Variants in STPG1 observed in about 807,000 individuals in gnomAD.
STPG1 encodes the protein sperm tail PG-rich repeat containing 1, also known as O(6)-methylguanine-induced apoptosis 2.
In STPG1, 33 loss-of-function variants were observed where a neutral mutation model predicts 40.1. The observed-to-expected ratio is 0.82, with a 90% CI of 0.62 to 1.10. The LOEUF (loss-of-function observed/expected upper bound fraction) is 1.10, where lower values mean the gene tolerates loss of function less well. Ranked by LOEUF, STPG1 falls within the 50% of genes least tolerant of loss-of-function variation. STPG1 has a pLI of 0.00. For missense variants in STPG1, 396 were observed against 415.1 expected (o/e 0.95, Z 0.40); for synonymous variants, 150 against 155.0 (o/e 0.97, Z 0.24).
At chr1:24,364,240 G>GA in intron 7 of STPG1, 1 of 1,547,766 alleles carries the variant, frequency 6.5e-7, no homozygotes, top group South Asian at 1.2e-5. Context: ...TGACTGTCTT[G>GA]AATGTTCCCA....
intron 1 of STPG1, chr1:24,410,917 C>T (rs1643595258): frequency 6.6e-6 from 1 of 152,172 alleles, no homozygotes; most frequent in Non-Finnish European, 1.5e-5. Context: ...AGTATCCAGT[C>T]CTGGGTTCAA....
At chr1:24,360,226 G>A (rs1201090680) in intron 8 of STPG1, among the ~76,000 whole-genome samples, 5 of 152,186 alleles carry the variant, frequency 3.3e-5, no homozygotes, top group Non-Finnish European at 7.3e-5. Context: ...GGGCAGACCA[G>A]TTGAGGTCAG....
intron 7 of STPG1, among the ~76,000 whole-genome samples, chr1:24,364,684 G>T (rs1236153539): frequency 1.3e-5 from 2 of 152,174 alleles, no homozygotes; most frequent in African/African-American, 4.8e-5. Context: ...GTCCCTCCAT[G>T]TCGAGGTGGG....
chr1:24,369,551 C>A, intron 7 of STPG1, 123 bp downstream of exon 7: 1 of 1,006,166 alleles, frequency 9.9e-7, no homozygotes. Context: ...TGACTAAGGG[C>A]CCCTGAAGAG....
At position 24,357,015 on chromosome 1, in the gene STPG1, A is replaced by G. The variant is rs946314800; in HGVS notation, c.*1528T>C. On this transcript the variant is annotated 3_prime_UTR_variant, in exon 9 of 9. Coordinates refer to ENST00000337248, the MANE Select transcript of STPG1 (RefSeq NM_001199013.2). ...CCCAAAAGCTCAATAAGCAAGATAA[A>G]TAAGTTTAATGCAATATTTTTAAAA... is the stretch of plus-strand genomic sequence containing the variant. 1 of 151,544 alleles carries G rather than the reference A, an allele frequency of 6.6e-6. No homozygotes were observed. The highest frequency in any genetic ancestry group is 1.5e-5 in the Non-Finnish European group (1 of 67,934). The allele number at this position is 151,544 out of a possible 1,614,324, so 9.4% of individuals were successfully genotyped here.
At chr1:24,386,671 C>T (rs1344249908) in intron 3 of STPG1, among the ~76,000 whole-genome samples, 2 of 152,182 alleles carry the variant, frequency 1.3e-5, no homozygotes, top group African/African-American at 4.8e-5. Flanking sequence ...GCGGATGCCA[C>T]CCTCAGAGAG....
At chr1:24,389,522 A>G (rs1642668683) in intron 3 of STPG1, among the ~76,000 whole-genome samples, 1 of 152,144 alleles carries the variant, frequency 6.6e-6, no homozygotes, top group Non-Finnish European at 1.5e-5. Flanking sequence ...CAAACCCTGC[A>G]TTGTGTGACC....
chr1:24,369,077 T>C (rs959730507), intron 7 of STPG1: 1 of 254,198 alleles, frequency 3.9e-6, no homozygotes, highest in Non-Finnish European at 7.8e-6. Flanking sequence ...GATGAGGGCA[T>C]GGAGGCTCAG....
intron 7 of STPG1, among the ~76,000 whole-genome samples, chr1:24,366,524 A>G (rs1641477886): frequency 6.6e-6 from 1 of 152,134 alleles, no homozygotes; most frequent in African/African-American, 2.4e-5. Context: ...TTTTTTTAGA[A>G]TAGTCCAAAG....
chr1:24,378,261 T>C (rs1448402590), intron 5 of STPG1, among the ~76,000 whole-genome samples: 2 of 152,210 alleles, frequency 1.3e-5, no homozygotes, highest in Non-Finnish European at 2.9e-5. Flanking sequence ...GAAATGATAA[T>C]ATTTTGGATC....
At chr1:24,364,609 G>A (rs985891394) in intron 7 of STPG1, 1 of 588,176 alleles carries the variant, frequency 1.7e-6, no homozygotes, top group Non-Finnish European at 2.5e-6. Context: ...GCAGAGGGCT[G>A]GCAGCATGTA....
rs1557440511 is a variant in STPG1, at chr1:24,374,252, TTTTTG to T, written c.463-447_463-443del. Among the ~76,000 whole-genome samples, 29 of 92,484 alleles carry T rather than the reference TTTTTG, an allele frequency of 3.1e-4. 1 individual carries two copies. Among genetic ancestry groups the T allele is most frequent in the South Asian group, 6.7e-4 (2 of 2,964 alleles). The allele number at this position is 92,484 out of a possible 152,430, so 60.7% of individuals were successfully genotyped here. On this transcript the variant is annotated intron_variant, in intron 5 of 8. Coordinates refer to ENST00000337248, the MANE Select transcript of STPG1 (RefSeq NM_001199013.2). ...ATCACCGCTAGGAAAGTGTTTTTTT[TTTTTG>T]TTTTTTTTTTTTTTTTTCTGAGACA...
chr1:24,402,812 T>C (rs1442319007), intron 1 of STPG1, among the ~76,000 whole-genome samples: 6 of 151,462 alleles, frequency 4.0e-5, no homozygotes, highest in Non-Finnish European at 7.4e-5. Flanking sequence ...TTGGATTTAA[T>C]TGGGTTATTT....
intron 5 of STPG1, among the ~76,000 whole-genome samples, chr1:24,374,467 A>G (rs1641924999): frequency 1.3e-5 from 2 of 151,650 alleles, no homozygotes; most frequent in South Asian, 4.2e-4. Flanking sequence ...CACCATGTTA[A>G]CCAGGATGGC....
intron 3 of STPG1, 138 bp downstream of exon 3, chr1:24,391,423 G>A: frequency 1.8e-6 from 1 of 552,642 alleles, no homozygotes; most frequent in South Asian, 2.6e-5. Context: ...GCCCCTCAGT[G>A]GAGCTGGTGC....
chr1:24,357,884 C>T lies in STPG1; in HGVS notation c.*659G>A, dbSNP rs1363492944. 2.5e-5 allele frequency: 8 copies of T among 317,380 alleles called. No individual in the cohort carries two copies. Among genetic ancestry groups the T allele is most frequent in the South Asian group, 1.7e-4 (6 of 35,418 alleles). The allele number at this position is 317,380 out of a possible 1,614,324, so 19.7% of individuals were successfully genotyped here. A position where few individuals can be genotyped will look rare whatever the true frequency, so the allele number is the denominator to read the frequency against. On this transcript the variant is annotated 3_prime_UTR_variant, in exon 9 of 9. Transcript: ENST00000337248. Reference sequence around the variant, plus strand: ...GAAAGTCAGGGAAAAGCGCAGCCCCCGGGCCCGGCCACTGCCATTCCAAGA... The same window carrying T: ...GAAAGTCAGGGAAAAGCGCAGCCCCTGGGCCCGGCCACTGCCATTCCAAGA...
intron 7 of STPG1, among the ~76,000 whole-genome samples, chr1:24,367,263 C>T (rs183580681): frequency 6.6e-6 from 1 of 152,196 alleles, no homozygotes; most frequent in Non-Finnish European, 1.5e-5. Flanking sequence ...CTGACAAATG[C>T]AAACGCCATA....
chr1:24,401,487 A>C, intron 1 of STPG1, 31 bp from the exon 2 acceptor site: 2 of 952,946 alleles, frequency 2.1e-6, no homozygotes, highest in Middle Eastern at 2.1e-4. Context: ...ATTTGTAGAG[A>C]TCATTTCACA....
intron 7 of STPG1, among the ~76,000 whole-genome samples, chr1:24,362,112 C>G (rs562825546): frequency 6.6e-6 from 1 of 152,324 alleles, no homozygotes; most frequent in East Asian, 1.9e-4. Flanking sequence ...TCCCCCAGCA[C>G]TCAATGACCA....
Sources: gnomAD v4.1 joint callset for allele counts (sites outside exome capture counted in the v4.1 genomes callset) on GRCh38, gnomAD v4.1.1 for gene constraint, MANE v1.5 for transcripts, NCBI Gene and HGNC (gene_info 2026-07-23, HGNC 2026-07-21) for gene names.